Variants in HERC4 observed in about 807,000 individuals in gnomAD.
HERC4 encodes the protein HECT and RLD domain containing E3 ubiquitin protein ligase 4, also known as probable E3 ubiquitin-protein ligase HERC4.
In HERC4, 28 loss-of-function variants were observed where a neutral mutation model predicts 124.3. The ratio of observed to expected loss-of-function variants is 0.23; its 90% CI spans 0.17 to 0.31. The LOEUF is 0.31. Ranked by LOEUF, HERC4 falls within the 10% of genes least tolerant of loss-of-function variation. The pLI is 1.00. For synonymous variants in HERC4, 407 were observed against 421.5 expected, an observed-to-expected ratio of 0.97 and a Z score of 0.42; for missense variants, 713 against 1,229.3, an observed-to-expected ratio of 0.58 and a Z score of 6.28.
At chr10:68,019,922 T>G (rs915599764) in intron 8 of HERC4, among the ~76,000 whole-genome samples, 1 of 152,208 alleles carries the variant, frequency 6.6e-6, no homozygotes, top group African/African-American at 2.4e-5. Context: ...TAAAGAGACT[T>G]CCAAGGAATT....
At chr10:67,971,910 A>G (rs1322039302) in intron 15 of HERC4, among the ~76,000 whole-genome samples, 2 of 152,180 alleles carry the variant, frequency 1.3e-5, no homozygotes, top group Non-Finnish European at 2.9e-5. Flanking sequence ...GCCAACACTC[A>G]AAACTCAATT....
At chr10:67,974,133 C>G (rs921370409) in intron 15 of HERC4, among the ~76,000 whole-genome samples, 1 of 135,142 alleles carries the variant, frequency 7.4e-6, no homozygotes, top group South Asian at 2.5e-4. Context: ...CACACAGGGT[C>G]AGGAAAACAA....
chr10:67,981,569 G>A (rs940574282), intron 15 of HERC4, among the ~76,000 whole-genome samples: 1 of 152,160 alleles, frequency 6.6e-6, no homozygotes, highest in African/African-American at 2.4e-5. Flanking sequence ...TTCATCCAAT[G>A]GCTGCAGAAT....
At chr10:67,994,333 C>G (rs1461544956) in intron 9 of HERC4, 2 of 152,140 alleles carry the variant, frequency 1.3e-5, no homozygotes. Context: ...TAAACAATTC[C>G]CTACAAGATG....
rs773275844 is a variant in HERC4, at chr10:67,990,945, G to T, written c.1402C>A (p.His468Asn). ...GGATGATCAGGTTGTATAAGTTTGT[G>T]GAATAAAAGCCTAGCAGCATTCATA... is the stretch of plus-strand genomic sequence containing the variant. ...VDMNAARLLF[H>N]KLIQPDHPQI... The change falls in exon 13 of 25, where the codon CAC (histidine) becomes AAC (asparagine). Residue 468 changes from histidine to asparagine, a missense_variant. Coordinates refer to ENST00000373700, the MANE Select transcript of HERC4 (RefSeq NM_015601.4). 2 of 1,608,252 alleles carry T rather than the reference G, an allele frequency of 1.2e-6. No homozygotes were observed. Among genetic ancestry groups the T allele is most frequent in the Non-Finnish European group, 1.7e-6 (2 of 1,176,532 alleles).
At chr10:67,951,861 GCTTT>G (rs777666162) in intron 19 of HERC4, among the ~76,000 whole-genome samples, 8 of 152,028 alleles carry the variant, frequency 5.3e-5, no homozygotes, top group Non-Finnish European at 1.0e-4. Context: ...ACTATCTTAT[GCTTT>G]CTTTCTCTAC....
At chr10:68,055,968 G>A (rs2040528744) in intron 3 of HERC4, among the ~76,000 whole-genome samples, 1 of 152,064 alleles carries the variant, frequency 6.6e-6, no homozygotes, top group Admixed American at 6.6e-5. Flanking sequence ...GACCAGGCTG[G>A]TCTTGAACTC....
Position 67,968,114 on chromosome 10 carries a change from G to C in HERC4, c.1807-1312C>G, listed in dbSNP as rs553810850. Among the ~76,000 whole-genome samples the C allele has an allele frequency of 5.3e-5, 8 of 152,186 alleles. No homozygotes were observed. In the East Asian group the frequency reaches 1.5e-3, roughly 29 times the overall value. On this transcript the variant is annotated intron_variant, in intron 15 of 24. Transcript: ENST00000373700. The stretch of plus-strand genomic sequence containing the variant: ...AGAAACAGGAATGGACACAAGTAGA[G>C]GATAGAGCTCAAGCAGAAAGCAGCA...
intron 9 of HERC4, among the ~76,000 whole-genome samples, chr10:68,003,422 C>T (rs2037357906): frequency 6.6e-6 from 1 of 151,538 alleles, no homozygotes; most frequent in Non-Finnish European, 1.5e-5. Flanking sequence ...ATCTGCCCGC[C>T]TCAGCCTCCC....
At chr10:67,943,974 C>T (rs2033126261) in intron 19 of HERC4, among the ~76,000 whole-genome samples, 1 of 152,208 alleles carries the variant, frequency 6.6e-6, no homozygotes, top group African/African-American at 2.4e-5. Flanking sequence ...TGACTCCAAG[C>T]CCTGGCTCTC....
rs570890452 is a variant in HERC4 at position 67,974,559 on chromosome 10, C to T, written c.1807-7757G>A. ...AAACAGGTGCTCAATAAATATGAGA[C>T]GAATGGATGGACAGATAAAACTTAA... On this transcript the variant is annotated intron_variant, in intron 15 of 24. Coordinates refer to ENST00000373700, the MANE Select transcript of HERC4 (RefSeq NM_015601.4). 3.9e-5 allele frequency among the ~76,000 whole-genome samples: 6 copies of T among 152,176 alleles called. No homozygotes were observed. In the South Asian group the frequency reaches 1.0e-3, roughly 26 times the overall value.
At chr10:67,936,082 GT>G in intron 22 of HERC4, 70 bp downstream of exon 22, 1 of 974,930 alleles carries the variant, frequency 1.0e-6, no homozygotes, top group South Asian at 1.7e-5. Flanking sequence ...GTTGTGACAC[GT>G]TTTCTACGTA....
chr10:68,033,842 AT>A, intron 6 of HERC4, 122 bp downstream of exon 6: 2 of 725,710 alleles, frequency 2.8e-6, no homozygotes, highest in Non-Finnish European at 4.5e-6. Flanking sequence ...TTTAAATAAC[AT>A]CTCATCCCCA....
chr10:67,957,721 C>T (rs2034233503), intron 16 of HERC4, among the ~76,000 whole-genome samples: 1 of 152,132 alleles, frequency 6.6e-6, no homozygotes, highest in South Asian at 2.1e-4. Flanking sequence ...TGACTCAGAG[C>T]CCCTGCTATG....
chr10:68,010,937 T>C (rs2037914540), intron 9 of HERC4: 1 of 1,119,558 alleles, frequency 8.9e-7, no homozygotes, highest in Non-Finnish European at 1.3e-6. Flanking sequence ...TTTCAGGCTT[T>C]AGTTCTAGTT....
At chr10:67,963,669 C>T (rs1400733382) in intron 16 of HERC4, among the ~76,000 whole-genome samples, 1 of 152,176 alleles carries the variant, frequency 6.6e-6, no homozygotes, top group Non-Finnish European at 1.5e-5. Flanking sequence ...AAAGGGTCCA[C>T]ATATCCCTCC....
chr10:67,984,426 G>T (rs1414610818), intron 15 of HERC4, among the ~76,000 whole-genome samples: 1 of 151,878 alleles, frequency 6.6e-6, no homozygotes, highest in African/African-American at 2.4e-5. Flanking sequence ...TCACTTATTT[G>T]TAGGATCTAA....
At chr10:68,066,398 TG>T (rs1191777301) in intron 3 of HERC4, among the ~76,000 whole-genome samples, 2 of 152,232 alleles carry the variant, frequency 1.3e-5, no homozygotes, top group Non-Finnish European at 2.9e-5. Flanking sequence ...ACCACACTGC[TG>T]ATCTTTTAAG....
At chr10:68,074,858 A>T (rs946017312) in intron 1 of HERC4, 2 of 152,678 alleles carry the variant, frequency 1.3e-5, no homozygotes, top group Non-Finnish European at 2.9e-5. Flanking sequence ...AAAGCGCCCT[A>T]TGCCGGGCCG....
Sources: gnomAD v4.1 joint callset for allele counts (sites outside exome capture counted in the v4.1 genomes callset) on GRCh38, gnomAD v4.1.1 for gene constraint, MANE v1.5 for transcripts, NCBI Gene and HGNC (gene_info 2026-07-23, HGNC 2026-07-21) for gene names.